Variants in KRT5 observed in about 807,000 individuals in gnomAD.
The protein encoded by KRT5 is keratin, type II cytoskeletal 5.
A neutral mutation model predicts 44.0 loss-of-function variants in KRT5; 17 were observed. The observed-to-expected ratio is 0.39, with a 90% CI of 0.26 to 0.58. KRT5 has a LOEUF of 0.58. KRT5 is among the 20% of genes least tolerant of loss of function. The pLI, the probability that KRT5 is intolerant of heterozygous loss-of-function variation, is 0.61. For missense variants in KRT5, 737 were observed against 785.5 expected, an observed-to-expected ratio of 0.94 and a Z score of 0.74; for synonymous variants, 329 against 312.8, an observed-to-expected ratio of 1.05 and a Z score of -0.55.
In KRT5 at chr12:52,514,955, C is replaced by T; in HGVS notation, c.1760G>A (p.Ser587Asn). 6.2e-7 allele frequency: 1 copy of T among 1,613,716 alleles called. No homozygotes were observed. The highest frequency in any genetic ancestry group is 8.5e-7 in the Non-Finnish European group (1 of 1,179,958). The change falls in exon 9 of 9, where the codon AGC (serine) becomes AAC (asparagine). Residue 587 changes from serine (S) to asparagine (N), a missense_variant. Coordinates refer to ENST00000252242, the MANE Select transcript of KRT5 (RefSeq NM_000424.4). ...FVSTTSSSRK[S>N]FKS ...TGCAGCAGGTTCTTAGCTCTTGAAG[C>T]TCTTCCGGGAGGAGGAGGTGGTGGA...
rs1938618530 is a variant in KRT5 at position 52,516,796 on chromosome 12, T to C, written c.1280A>G (p.Asp427Gly). 6.2e-7 allele frequency: 1 copy of C among 1,614,178 alleles called. No individual in the cohort carries two copies. Among genetic ancestry groups the C allele is most frequent in the Non-Finnish European group, 8.5e-7 (1 of 1,180,034 alleles). The change falls in exon 7 of 9, where the codon GAT becomes GGT. Residue 427 changes from aspartate (D) to glycine (G), a missense_variant. By Grantham distance (94) the Asp-to-Gly change is moderately conservative. Coordinates refer to ENST00000252242, the MANE Select transcript of KRT5 (RefSeq NM_000424.4). ...AEQRGELALK[D>G]ARNKLAELEE... ...CAGCTCGGCCAGCTTGTTCCTGGCA[T>C]CCTTGAGGGCCAGCTCCCCACGCTG...
intron 6 of KRT5, 72 bp from the exon 7 acceptor site, chr12:52,516,929 C>A (rs943676898): frequency 3.8e-6 from 6 of 1,568,774 alleles, no homozygotes; most frequent in African/African-American, 1.3e-5. Flanking sequence ...CTGGGTCAGA[C>A]AAACCAAACT....
chr12:52,515,339 C>G lies in KRT5; in HGVS notation c.1475-99G>C, dbSNP rs763282283. 2.1e-5 allele frequency: 32 copies of G among 1,527,810 alleles called. No individual in the cohort carries two copies. The East Asian group carries it at 6.5e-4, about 31-fold the overall frequency. The allele number at this position is 1,527,810 out of a possible 1,614,324, so 94.6% of individuals were successfully genotyped here. ...GCTGGTGTTGGAGCACTCTACTGGA[C>G]CCCCTTTACAGAGTAGCAAACAAGG... On this transcript the variant is annotated intron_variant, in intron 8 of 8. Transcript: ENST00000252242.
In KRT5 at chr12:52,519,156, C is replaced by A; in HGVS notation, c.560G>T (p.Arg187Leu). 1 of 1,614,170 alleles carries A rather than the reference C, an allele frequency of 6.2e-7. No homozygotes were observed. Among genetic ancestry groups the A allele is most frequent in the East Asian group, 2.2e-5 (1 of 44,882 alleles). ...AACCTTGTTCTGCTGCTCCAGGAAC[C>A]GCACCTGGAGGGGAGCAGGGTTTGA... ...NKFASFIDKV[R>L]FLEQQNKVLD... Residue 187 changes from arginine to leucine, a missense_variant, in exon 2 of 9, where the codon CGG becomes CTG. Transcript: ENST00000252242.
At chr12:52,516,338 T>G (rs2120473722) in intron 7 of KRT5, 3 of 438,608 alleles carry the variant, frequency 6.8e-6, no homozygotes, top group African/African-American at 2.0e-5. Flanking sequence ...ATGACATGGA[T>G]ATTGAGGTTG....
In KRT5 at chr12:52,520,142, G is replaced by C. The variant is rs773410009; in HGVS notation, c.155C>G (p.Ala52Gly). 1 of 1,613,982 alleles carries C rather than the reference G, an allele frequency of 6.2e-7. No individual in the cohort carries two copies. Among genetic ancestry groups the C allele is most frequent in the Middle Eastern group, 1.6e-4 (1 of 6,062 alleles). Residue 52 changes from alanine to glycine, a missense_variant, in exon 1 of 9, where the codon GCG becomes GGG. By Grantham distance (60) the Ala-to-Gly change is moderately conservative. This residue lies in a region of KRT5 where 326 missense variants were observed against 333.1 expected (regional missense o/e 0.98). Coordinates refer to ENST00000252242, the MANE Select transcript of KRT5 (RefSeq NM_000424.4). ...ATAGCCACCCACTCCACAAGCACCCGCAAGGCTGACCCTGCCGAAGCCACC... is the reference window on the plus strand; with the variant it reads ...ATAGCCACCCACTCCACAAGCACCCCCAAGGCTGACCCTGCCGAAGCCACC... Reference protein sequence around the residue: ...GGGGFGRVSLAGACGVGGYGS... With the variant: ...GGGGFGRVSLGGACGVGGYGS...
chr12:52,517,494 C>A (rs771307634), intron 5 of KRT5, 96 bp downstream of exon 5: 2 of 1,338,038 alleles, frequency 1.5e-6, no homozygotes, highest in Non-Finnish European at 2.1e-6. Context: ...TGGGCTTCAG[C>A]AGGTTCCAGG....
Position 52,518,145 on chromosome 12 carries a change from G to C in KRT5, c.789C>G (p.Asn263Lys). ...DFKNKYEDEI[N>K]KRTTAENEFV... ...ACTCATTCTCAGCAGTGGTACGCTT[G>C]TTGATTTCATCCTCATACCTGGTGG... Residue 263 changes from asparagine (N) to lysine (K), a missense_variant, in exon 3 of 9, where the codon AAC (asparagine) becomes AAG (lysine). Asn to Lys is a moderately conservative substitution (Grantham distance 94). Transcript: ENST00000252242. The C allele has an allele frequency of 2.5e-6, 4 of 1,614,242 alleles. No homozygotes were observed. The highest frequency in any genetic ancestry group is 3.4e-6 in the Non-Finnish European group (4 of 1,180,034).
intron 2 of KRT5, 73 bp downstream of exon 2, chr12:52,518,873 G>C: frequency 6.4e-7 from 1 of 1,566,052 alleles, no homozygotes; most frequent in Admixed American, 1.7e-5. Context: ...CATGGTAGTA[G>C]ACTAGTAACA....
Position 52,520,040 on chromosome 12 carries a change from C to A in KRT5, c.257G>T (p.Arg86Leu). The A allele has an allele frequency of 1.9e-6, 3 of 1,614,068 alleles. No individual in the cohort carries two copies. The highest frequency in any genetic ancestry group is 1.3e-5 in the African/African-American group (1 of 74,998). The change falls in exon 1 of 9, where the codon CGG (arginine) becomes CTG (leucine). Residue 86 changes from arginine (R) to leucine (L), a missense_variant. By Grantham distance (102) the Arg-to-Leu change is moderately radical (BLOSUM62 -2). Around this residue, in one of 5 missense-constraint regions of KRT5, gnomAD observed 326 missense variants for 333.1 expected, o/e 0.98. Transcript: ENST00000252242. ...ISTSGGSFRNRFGAGAGGGYG... is the reference protein window; with the variant it reads ...ISTSGGSFRNLFGAGAGGGYG... ...GCCGCCTCCAGCACCAGCACCAAAC[C>A]GGTTCCTGAAGCTGCCACCACTAGT...
chr12:52,516,014 T>A (rs1158118778), intron 7 of KRT5, 182 bp from the exon 8 acceptor site: 1 of 636,906 alleles, frequency 1.6e-6, no homozygotes, highest in East Asian at 2.7e-5. Context: ...TGAAGAGGGA[T>A]TGACCTAGAA....
chr12:52,516,849 A>G lies in KRT5; in HGVS notation c.1227T>C (p.Asn409=), dbSNP rs146583344. The change falls in exon 7 of 9, where the codon AAT becomes AAC. Residue 409 remains asparagine, a synonymous_variant. Transcript: ENST00000252242. ...CGGCATCCGCAATGGCGTTCTGCAG[A>G]TTGGCGCACTACAGATAGAAAGGAG... The part of the protein sequence containing the change: ...EIDNVKKQCA[N]LQNAIADAEQ... 2 of 1,614,188 alleles carry G rather than the reference A, an allele frequency of 1.2e-6. No homozygotes were observed. The highest frequency in any genetic ancestry group is 2.2e-5 in the South Asian group (2 of 91,088).
chr12:52,519,474 A>G lies in KRT5; in HGVS notation c.555+268T>C, dbSNP rs1938673800. On this transcript the variant is annotated intron_variant, in intron 1 of 8. Coordinates refer to ENST00000252242, the MANE Select transcript of KRT5 (RefSeq NM_000424.4). Reference sequence around the variant, plus strand: ...ACCTTCCTGTACAGTCAGCCCCTTTATATATGGCATGAAATTCATCTCTCT... The same window carrying G: ...ACCTTCCTGTACAGTCAGCCCCTTTGTATATGGCATGAAATTCATCTCTCT... The G allele has an allele frequency of 1.6e-5, 10 of 623,094 alleles. No homozygotes were observed. In the Admixed American group the frequency reaches 2.8e-4, roughly 17 times the overall value. 38.6% of individuals were successfully genotyped at this position (623,094 alleles called of 1,614,324 possible).
intron 8 of KRT5, 82 bp from the exon 9 acceptor site, chr12:52,515,322 T>G (rs1034681186): frequency 4.4e-5 from 69 of 1,580,364 alleles, no homozygotes; most frequent in Non-Finnish European, 5.5e-5. Flanking sequence ...CTGCTGGTGT[T>G]GGAGCACTCT....
rs537359928 is a variant in KRT5, at chr12:52,515,871, C to A, written c.1440-39G>T. 5 of 1,567,802 alleles carry A rather than the reference C, an allele frequency of 3.2e-6. No individual in the cohort carries two copies. The East Asian group carries it at 1.1e-4, about 35-fold the overall frequency. ...AATTGAATTAAGGGTTAACAGCTCC[C>A]AAAAAGACAGCATTAGTCTATGTGG... On this transcript the variant is annotated intron_variant, in intron 7 of 8. Coordinates refer to ENST00000252242, the MANE Select transcript of KRT5 (RefSeq NM_000424.4).
chr12:52,519,736 G>A lies in KRT5; in HGVS notation c.555+6C>T. 1 of 1,612,762 alleles carries A rather than the reference G, an allele frequency of 6.2e-7. No homozygotes were observed. ...CAGTGATTTTTTACAAAAGATCGTA[G>A]CTCACCTTGTCGATGAAGGAGGCAA... On this transcript the variant is annotated splice_donor_region_variant and intron_variant, in intron 1 of 8. Coordinates refer to ENST00000252242, the MANE Select transcript of KRT5 (RefSeq NM_000424.4).
At position 52,520,293 on chromosome 12, in the gene KRT5, A is replaced by G; in HGVS notation, c.4T>C (p.Ser2Pro). The change falls in exon 1 of 9, where the codon TCT (serine) becomes CCT (proline). Residue 2 changes from serine (S) to proline (P), a missense_variant. Transcript: ENST00000252242. MSRQSSVSFRSG... is the reference protein window; with the variant it reads MPRQSSVSFRSG... ...CGGAAGGACACACTTGACTGGCGAG[A>G]CATGGTGGCTTGTTCCTGGTGGAGC... 3 of 1,613,030 alleles carry G rather than the reference A, an allele frequency of 1.9e-6. No individual in the cohort carries two copies.
chr12:52,514,935 C>T lies in KRT5; in HGVS notation c.*7G>A. ...GCACTTGGAAGGCAGTGACTTGCAG[C>T]AGGTTCTTAGCTCTTGAAGCTCTTC... is the stretch of plus-strand genomic sequence containing the variant. On this transcript the variant is annotated 3_prime_UTR_variant, in exon 9 of 9. Coordinates refer to ENST00000252242, the MANE Select transcript of KRT5 (RefSeq NM_000424.4). 3 of 1,612,854 alleles carry T rather than the reference C, an allele frequency of 1.9e-6. No homozygotes were observed. Among genetic ancestry groups the T allele is most frequent in the Non-Finnish European group, 2.5e-6 (3 of 1,179,218 alleles).
intron 7 of KRT5, chr12:52,516,414 G>T (rs1471259365): frequency 3.4e-6 from 2 of 583,284 alleles, no homozygotes; most frequent in African/African-American, 3.7e-5. Context: ...TTGCTCAGGT[G>T]CTTGGAGGAC....
Sources: gnomAD v4.1 joint callset for allele counts on GRCh38, gnomAD v4.1.1 for gene constraint, gnomAD v4.1.1 regional missense constraint, MANE v1.5 for transcripts, NCBI Gene and HGNC (gene_info 2026-07-23, HGNC 2026-07-21) for gene names.